SMARCAD1: variants seen among roughly 807,000 people sequenced by gnomAD.
SMARCAD1 encodes SWI/SNF-related matrix-associated actin-dependent regulator of chromatin subfamily A containing DEAD/H box 1.
In SMARCAD1, 25 loss-of-function variants were observed where a neutral mutation model predicts 127.1. The ratio of observed to expected loss-of-function variants is 0.20; its 90% CI spans 0.14 to 0.27. The LOEUF is 0.27. Among genes scored for constraint, SMARCAD1 ranks in the 10% least tolerant of loss-of-function variants. The pLI is 1.00. For missense variants in SMARCAD1, 807 were observed against 1,206.0 expected (o/e 0.67, Z 4.90); for synonymous variants, 400 against 396.9 (o/e 1.01, Z -0.09).
chr4:94,208,245 A>G (rs773823581), intron 1 of SMARCAD1, 101 bp from the exon 2 acceptor site: 1 of 825,082 alleles, frequency 1.2e-6, no homozygotes, highest in South Asian at 1.4e-5. Context: ...AGCCACTGGC[A>G]TGTTTGCGGG....
At chr4:94,210,558 A>G (rs184909841) in intron 2 of SMARCAD1, among the ~76,000 whole-genome samples, 1 of 152,326 alleles carries the variant, frequency 6.6e-6, no homozygotes, top group East Asian at 1.9e-4. Context: ...GCTTAATGAT[A>G]GCGGTAGAAA....
chr4:94,248,063 A>G (rs886986942), intron 6 of SMARCAD1, among the ~76,000 whole-genome samples: 4 of 152,080 alleles, frequency 2.6e-5, no homozygotes, highest in Non-Finnish European at 5.9e-5. Flanking sequence ...CGTGTACCCA[A>G]TGTTTAGCTC....
Position 94,277,020 on chromosome 4 carries a change from A to T in SMARCAD1, c.1945-2A>T. The T allele has an allele frequency of 6.2e-7, 1 of 1,614,022 alleles. No homozygotes were observed. The highest frequency in any genetic ancestry group is 8.5e-7 in the Non-Finnish European group (1 of 1,179,954). On this transcript the variant is annotated splice_acceptor_variant, in intron 15 of 23. Transcript: ENST00000354268. LOFTEE classifies it high-confidence loss of function. ...TAATATAAATTTTACCTTCATTCAC[A>T]GGCAAATAACCGTTTGCTGCTCACA... is the stretch of plus-strand genomic sequence containing the variant.
intron 3 of SMARCAD1, 65 bp downstream of exon 3, chr4:94,226,361 C>T (rs1744989593): frequency 5.2e-6 from 7 of 1,353,506 alleles, no homozygotes; most frequent in South Asian, 2.7e-5. Flanking sequence ...AAAAACCTAC[C>T]TAATTTGAGA....
intron 2 of SMARCAD1, among the ~76,000 whole-genome samples, chr4:94,223,350 A>G (rs982803972): frequency 5.9e-5 from 9 of 151,558 alleles, no homozygotes; most frequent in Non-Finnish European, 8.8e-5. Context: ...AAAATTAGCC[A>G]GGTGTGGTGG....
At position 94,264,756 on chromosome 4, in the gene SMARCAD1, A is replaced by T; in HGVS notation, c.1331A>T (p.His444Leu). Reference sequence around the variant, plus strand: ...GGCTTATCAGAAGATTTGATATGGCACTGTAAAACACTGATCCAAGAAAGA... The same window carrying T: ...GGCTTATCAGAAGATTTGATATGGCTCTGTAAAACACTGATCCAAGAAAGA... ...TNGLSEDLIW[H>L]CKTLIQERDV... is the part of the protein sequence containing the mutation. Residue 444 changes from histidine (H) to leucine (L), a missense_variant, in exon 10 of 24, where the codon CAC becomes CTC. Physicochemically the swap from His to Leu is moderately conservative, Grantham distance 99. Transcript: ENST00000354268. 1 of 1,612,330 alleles carries T rather than the reference A, an allele frequency of 6.2e-7. No homozygotes were observed. Among genetic ancestry groups the T allele is most frequent in the Admixed American group, 1.7e-5 (1 of 59,942 alleles).
intron 14 of SMARCAD1, among the ~76,000 whole-genome samples, chr4:94,275,301 G>A (rs898411167): frequency 6.6e-6 from 1 of 152,018 alleles, no homozygotes; most frequent in African/African-American, 2.4e-5. Flanking sequence ...TTACAAATAA[G>A]TATCTGTAAT....
intron 11 of SMARCAD1, among the ~76,000 whole-genome samples, chr4:94,273,014 C>T (rs541144053): frequency 2.6e-4 from 40 of 152,112 alleles, no homozygotes; most frequent in African/African-American, 7.5e-4. Flanking sequence ...CCATGTTGCC[C>T]GGGCTTGTCT....
At chr4:94,218,409 C>G (rs565610998) in intron 2 of SMARCAD1, among the ~76,000 whole-genome samples, 2 of 152,162 alleles carry the variant, frequency 1.3e-5, no homozygotes, top group African/African-American at 4.8e-5. Context: ...CCTCCTGACT[C>G]AGCCTCCTGA....
At chr4:94,237,497 C>G (rs533995212) in intron 5 of SMARCAD1, among the ~76,000 whole-genome samples, 3 of 92,588 alleles carry the variant, frequency 3.2e-5, no homozygotes, top group Admixed American at 1.3e-4. Context: ...CTTACACATA[C>G]TAAAAAAAAA....
chr4:94,256,997 T>C (rs890092921), intron 9 of SMARCAD1, among the ~76,000 whole-genome samples: 1 of 152,178 alleles, frequency 6.6e-6, no homozygotes, highest in African/African-American at 2.4e-5. Context: ...CTCCTTCCTA[T>C]GGAAATTCAA....
chr4:94,249,248 T>A (rs1748913608), intron 6 of SMARCAD1, among the ~76,000 whole-genome samples: 1 of 152,118 alleles, frequency 6.6e-6, no homozygotes, highest in South Asian at 2.1e-4. Context: ...CTTCTCAGAA[T>A]TTGAAATTTA....
chr4:94,225,038 A>G (rs1420559296), intron 2 of SMARCAD1, among the ~76,000 whole-genome samples: 3 of 152,164 alleles, frequency 2.0e-5, no homozygotes, highest in Non-Finnish European at 4.4e-5. Context: ...TAAAATATGT[A>G]AGGGTAAATG....
chr4:94,285,527 A>T (rs551809316), intron 23 of SMARCAD1, among the ~76,000 whole-genome samples: 24 of 152,292 alleles, frequency 1.6e-4, no homozygotes, highest in Admixed American at 8.5e-4. Flanking sequence ...ATTGGAAATA[A>T]GCAAGTTTTT....
intron 21 of SMARCAD1, 75 bp from the exon 22 acceptor site, chr4:94,283,046 A>G (rs1754336912): frequency 7.9e-7 from 1 of 1,269,154 alleles, no homozygotes; most frequent in South Asian, 1.3e-5. Context: ...TTTTCATGTG[A>G]TAATGATTGT....
Position 94,264,761 on chromosome 4 carries a change from A to G in SMARCAD1, c.1336A>G (p.Lys446Glu). Residue 446 changes from lysine (K) to glutamate (E), a missense_variant, in exon 10 of 24, where the codon AAA becomes GAA. This residue lies in a region of SMARCAD1 where 257 missense variants were observed against 303.4 expected (regional missense o/e 0.85). Coordinates refer to ENST00000354268, the MANE Select transcript of SMARCAD1 (RefSeq NM_020159.5). The stretch of plus-strand genomic sequence containing the variant: ...ATCAGAAGATTTGATATGGCACTGT[A>G]AAACACTGATCCAAGAAAGAGATGT... ...GLSEDLIWHC[K>E]TLIQERDVVI... is the part of the protein sequence containing the mutation. 1 of 1,612,656 alleles carries G rather than the reference A, an allele frequency of 6.2e-7. No homozygotes were observed. The highest frequency in any genetic ancestry group is 8.5e-7 in the Non-Finnish European group (1 of 1,179,128).
intron 6 of SMARCAD1, among the ~76,000 whole-genome samples, chr4:94,245,118 G>A (rs547913400): frequency 6.6e-6 from 1 of 152,268 alleles, no homozygotes; most frequent in South Asian, 2.1e-4. Context: ...TGATACTTCA[G>A]AGAAATTTTA....
chr4:94,244,454 A>G (rs1391312220), intron 6 of SMARCAD1, among the ~76,000 whole-genome samples: 1 of 152,250 alleles, frequency 6.6e-6, no homozygotes, highest in Admixed American at 6.5e-5. Context: ...TGATTAAACA[A>G]ATATCTGTTA....
In SMARCAD1 at chr4:94,223,734, A is replaced by ATTT. The variant is rs944591007; in HGVS notation, c.191-2361_191-2359dup. Among the ~76,000 whole-genome samples, 690 of 100,138 alleles carry ATTT rather than the reference A, an allele frequency of 6.9e-3. 14 individuals are homozygous for ATTT. Among genetic ancestry groups the ATTT allele is most frequent in the African/African-American group, 0.023 (631 of 27,148 alleles). 65.7% of individuals were successfully genotyped at this position (100,138 alleles called of 152,430 possible). A position where few individuals can be genotyped will look rare whatever the true frequency, so the allele number is the denominator to read the frequency against. ...TGGCGTGCACCACCACTCCCGGCTA[A>ATTT]TTTTTTTTTTTTTTTTTTTTTTTTT... On this transcript the variant is annotated intron_variant, in intron 2 of 23. Transcript: ENST00000354268.
Sources: allele counts gnomAD v4.1 joint callset (sites outside exome capture counted in the v4.1 genomes callset), GRCh38; gene constraint gnomAD v4.1.1; regional missense constraint gnomAD v4.1.1; transcripts MANE v1.5; gene names NCBI Gene and HGNC (gene_info 2026-07-23, HGNC 2026-07-21).